The following COL11A2 variants were observed in gnomAD, a reference collection of about 807,000 sequenced individuals.
COL11A2 encodes the protein collagen alpha-2(XI) chain.
Under a neutral mutation model 273.4 loss-of-function variants are expected in COL11A2, and 116 were observed. The ratio of observed to expected loss-of-function variants is 0.42; its 90% CI spans 0.36 to 0.49. The LOEUF (loss-of-function observed/expected upper bound fraction) is 0.49. Ranked by LOEUF, COL11A2 falls within the 20% of genes least tolerant of loss-of-function variation. The pLI, the probability that COL11A2 is intolerant of heterozygous loss-of-function variation, is 0.00. For missense variants in COL11A2, 1,866 were observed against 2,309.0 expected, an observed-to-expected ratio of 0.81 and a Z score of 3.93; for synonymous variants, 782 against 864.2, an observed-to-expected ratio of 0.90 and a Z score of 1.67.
chr6:33,177,997 G>C lies in COL11A2; in HGVS notation c.1872+135C>G. ...CGAATGCTGAGGCAGGGCAGTGTGGGGCCAGAGCAGGGGGAGCTCACAGGG... is the reference window on the plus strand; with the variant it reads ...CGAATGCTGAGGCAGGGCAGTGTGGCGCCAGAGCAGGGGGAGCTCACAGGG... On this transcript the variant is annotated intron_variant, in intron 21 of 65. Coordinates refer to ENST00000341947, the MANE Select transcript of COL11A2 (RefSeq NM_080680.3). This position sits in a 1 kb window ranked among gnomAD's most constrained non-coding sequence, Gnocchi z 5.9. 2.0e-6 allele frequency: 2 copies of C among 998,150 alleles called. No homozygotes were observed. Among genetic ancestry groups the C allele is most frequent in the Non-Finnish European group, 3.0e-6 (2 of 661,146 alleles). 61.8% of individuals were successfully genotyped at this position (998,150 alleles called of 1,614,324 possible).
In COL11A2 at chr6:33,163,294, G is replaced by A. The variant is rs180728897; in HGVS notation, c.*384C>T. 6.5e-4 allele frequency: 154 copies of A among 238,034 alleles called. No homozygotes were observed. The highest frequency in any genetic ancestry group is 1.9e-4 in the Non-Finnish European group (23 of 121,130). The allele number at this position is 238,034 out of a possible 1,614,324, so 14.7% of individuals were successfully genotyped here. A position where few individuals can be genotyped will look rare whatever the true frequency, so the allele number is the denominator to read the frequency against. ...CTTCAACATCTGCTGATTTTTGTTG[G>A]CGTTTCTCTTTTTTGTTATTTTGCT... is the stretch of plus-strand genomic sequence containing the variant. On this transcript the variant is annotated 3_prime_UTR_variant, in exon 66 of 66. Transcript: ENST00000341947. The surrounding 1 kb of genome is among the most constrained non-coding windows in gnomAD (Gnocchi z 4.1).
rs1772805249 is a variant in COL11A2, at chr6:33,189,280, A to G, written c.232+40T>C. 1 of 1,613,916 alleles carries G rather than the reference A, an allele frequency of 6.2e-7. No homozygotes were observed. The highest frequency in any genetic ancestry group is 1.3e-5 in the African/African-American group (1 of 74,984). ...GGTGTCTGATCCTAGGCCCCATCCC[A>G]TTACCTCCCCCCAGGCCTACCCCAC... On this transcript the variant is annotated intron_variant, in intron 2 of 65. Transcript: ENST00000341947. This position sits in a 1 kb window ranked among gnomAD's most constrained non-coding sequence, Gnocchi z 5.6.
chr6:33,169,485 T>G lies in COL11A2; in HGVS notation c.3696A>C (p.Pro1232=). 1 of 1,612,860 alleles carries G rather than the reference T, an allele frequency of 6.2e-7. No homozygotes were observed. Among genetic ancestry groups the G allele is most frequent in the Non-Finnish European group, 8.5e-7 (1 of 1,179,994 alleles). ...CTCCTTTCTCTCCACGTTCCCCGCG[T>G]GGACCCTGCAGAACAAGCGGAGGAC... The part of the protein sequence containing the change: ...GIQGEPGVKG[P]RGERGEKGES... The change falls in exon 51 of 66, where the codon CCA becomes CCC. Residue 1232 remains proline (P), a synonymous_variant. Transcript: ENST00000341947. This position sits in a 1 kb window ranked among gnomAD's most constrained non-coding sequence, Gnocchi z 5.5.
intron 8 of COL11A2, among the ~76,000 whole-genome samples, chr6:33,182,096 G>A (rs1288321408): frequency 6.6e-6 from 1 of 151,696 alleles, no homozygotes; most frequent in Non-Finnish European, 1.5e-5. Context: ...CCAACATGGT[G>A]CAACCCCGTC....
At chr6:33,172,488 C>G in intron 39 of COL11A2, 42 bp downstream of exon 39, 1 of 1,588,860 alleles carries the variant, frequency 6.3e-7, no homozygotes, top group Non-Finnish European at 8.6e-7. Flanking sequence ...GCACCCCAAT[C>G]CCCAGCTCCC....
chr6:33,178,913 C>T lies in COL11A2; in HGVS notation c.1665+7G>A. Reference sequence around the variant, plus strand: ...ACAGGCTTCAGGGAGGGGCCCAAGCCTGTTACCTTCACTCCAGGATCTCCA... The same window carrying T: ...ACAGGCTTCAGGGAGGGGCCCAAGCTTGTTACCTTCACTCCAGGATCTCCA... On this transcript the variant is annotated splice_region_variant and intron_variant, in intron 17 of 65. Coordinates refer to ENST00000341947, the MANE Select transcript of COL11A2 (RefSeq NM_080680.3). The surrounding 1 kb of genome is among the most constrained non-coding windows in gnomAD (Gnocchi z 4.6). 1 of 1,613,924 alleles carries T rather than the reference C, an allele frequency of 6.2e-7. No homozygotes were observed. The highest frequency in any genetic ancestry group is 2.2e-5 in the East Asian group (1 of 44,866).
chr6:33,176,591 G>T lies in COL11A2; in HGVS notation c.2116-105C>A, dbSNP rs1770940888. On this transcript the variant is annotated intron_variant, in intron 26 of 65. Coordinates refer to ENST00000341947, the MANE Select transcript of COL11A2 (RefSeq NM_080680.3). The surrounding 1 kb of genome is among the most constrained non-coding windows in gnomAD (Gnocchi z 4.9). ...GTAACAACATTGCTGTCTGGGTAGG[G>T]TTACGGGGCACAGGAATTGAGAATG... 15 of 1,414,430 alleles carry T rather than the reference G, an allele frequency of 1.1e-5. No homozygotes were observed. In the South Asian group the frequency reaches 1.8e-4, roughly 17 times the overall value. 87.6% of individuals were successfully genotyped at this position (1,414,430 alleles called of 1,614,324 possible).
Position 33,166,767 on chromosome 6 carries a change from G to C in COL11A2, c.4291C>G (p.Arg1431Gly), listed in dbSNP as rs369126897. 6.2e-7 allele frequency: 1 copy of C among 1,613,322 alleles called. No homozygotes were observed. Among genetic ancestry groups the C allele is most frequent in the Non-Finnish European group, 8.5e-7 (1 of 1,180,034 alleles). ...GAGCCCTGAGGCCCAGGAAGTCCCC[G>C]ATCTCCCTTCTCTCCCTGCTCACCC... ...PPGEQGEKGD[R>G]GLPGPQGSPG... Residue 1431 changes from arginine to glycine, a missense_variant, in exon 59 of 66, where the codon CGG (arginine) becomes GGG (glycine). By Grantham distance (125) the Arg-to-Gly change is moderately radical. Coordinates refer to ENST00000341947, the MANE Select transcript of COL11A2 (RefSeq NM_080680.3). This position sits in a 1 kb window ranked among gnomAD's most constrained non-coding sequence, Gnocchi z 4.8.
chr6:33,176,798 G>C lies in COL11A2; in HGVS notation c.2071-33C>G, dbSNP rs1301036605. 1.2e-6 allele frequency: 2 copies of C among 1,608,090 alleles called. No individual in the cohort carries two copies. Among genetic ancestry groups the C allele is most frequent in the Non-Finnish European group, 8.5e-7 (1 of 1,177,052 alleles). Reference sequence around the variant, plus strand: ...TAAGGGATAGAAAATGTGACCAGTGGCCCCTGTCACCCTCTCTGCACCCCT... The same window carrying C: ...TAAGGGATAGAAAATGTGACCAGTGCCCCCTGTCACCCTCTCTGCACCCCT... On this transcript the variant is annotated intron_variant, in intron 25 of 65. Transcript: ENST00000341947. This position sits in a 1 kb window ranked among gnomAD's most constrained non-coding sequence, Gnocchi z 4.9.
chr6:33,175,433 C>T (rs1303087596), intron 30 of COL11A2, 141 bp downstream of exon 30: 10 of 740,254 alleles, frequency 1.4e-5, no homozygotes. Flanking sequence ...CTGAGAGATG[C>T]CATTTACACA....
chr6:33,188,702 G>C (rs565809683), intron 3 of COL11A2, among the ~76,000 whole-genome samples, 178 bp from the exon 4 acceptor site: 1 of 152,328 alleles, frequency 6.6e-6, no homozygotes, highest in Admixed American at 6.5e-5. Context: ...TTTCTTATTT[G>C]TGCCAATTCT....
At position 33,168,752 on chromosome 6, in the gene COL11A2, T is replaced by C. The variant is rs142962835; in HGVS notation, c.3860A>G (p.Asp1287Gly). The stretch of plus-strand genomic sequence containing the variant: ...CTCGCCTCGGTCACCCTTAGCACCA[T>C]CCTGGCCCTGCAGAAGTGAAGCAAG... ...PPGEGGPRGQDGAKGDRGEDG... is the reference protein window; with the variant it reads ...PPGEGGPRGQGGAKGDRGEDG... The change falls in exon 53 of 66, where the codon GAT (aspartate) becomes GGT (glycine). Residue 1287 changes from aspartate to glycine, a missense_variant. Coordinates refer to ENST00000341947, the MANE Select transcript of COL11A2 (RefSeq NM_080680.3). 9.5e-4 allele frequency: 1,518 copies of C among 1,596,552 alleles called. 16 individuals are homozygous for C. In the African/African-American group the frequency reaches 0.016, roughly 17 times the overall value.
intron 31 of COL11A2, 29 bp from the exon 32 acceptor site, chr6:33,174,247 G>C (rs772561993): frequency 3.0e-5 from 47 of 1,553,922 alleles, no homozygotes; most frequent in Non-Finnish European, 3.8e-5. Flanking sequence ...GGGGGAAATT[G>C]AGAAGTTATG....
intron 7 of COL11A2, 28 bp from the exon 8 acceptor site, chr6:33,184,352 T>C (rs773049355): frequency 7.4e-7 from 1 of 1,346,220 alleles, no homozygotes. Context: ...GGGAGAGGGG[T>C]AGATGGGGAT....
chr6:33,163,862 A>AC lies in COL11A2; in HGVS notation c.5071-45dup, dbSNP rs768147249. 2 of 1,612,052 alleles carry AC rather than the reference A, an allele frequency of 1.2e-6. No homozygotes were observed. Among genetic ancestry groups the AC allele is most frequent in the South Asian group, 1.1e-5 (1 of 91,018 alleles). ...AAGAAAGTGTGAGCAGGATGGAGGCACCCCCCACCCTCTAACCTCAGGCCC... is the reference window on the plus strand; with the variant it reads ...AAGAAAGTGTGAGCAGGATGGAGGCACCCCCCCACCCTCTAACCTCAGGCCC... On this transcript the variant is annotated intron_variant, in intron 65 of 65. Coordinates refer to ENST00000341947, the MANE Select transcript of COL11A2 (RefSeq NM_080680.3). The surrounding 1 kb of genome is among the most constrained non-coding windows in gnomAD (Gnocchi z 4.1).
chr6:33,185,357 C>CGGGAAA (rs1772264037), intron 6 of COL11A2, among the ~76,000 whole-genome samples: 1 of 152,056 alleles, frequency 6.6e-6, no homozygotes, highest in African/African-American at 2.4e-5. Context: ...AGCTGGGCAT[C>CGGGAAA]GGGAAAGGGG....
rs377703838 is a variant in COL11A2 at position 33,190,662 on chromosome 6, C to T, written c.83-1193G>A. On this transcript the variant is annotated intron_variant, in intron 1 of 65. Transcript: ENST00000341947. This position sits in a 1 kb window ranked among gnomAD's most constrained non-coding sequence, Gnocchi z 4.5. ...GAAAAGGCCCTTTGAGTCCAGGAGC[C>T]GGGAAACCACGGCCTTCCCCCCCAA... Among the ~76,000 whole-genome samples, 10 of 152,208 alleles carry T rather than the reference C, an allele frequency of 6.6e-5. No homozygotes were observed. Among genetic ancestry groups the T allele is most frequent in the East Asian group, 3.9e-4 (2 of 5,178 alleles).
Position 33,176,167 on chromosome 6 carries a change from T to C in COL11A2, c.2214+92A>G. ...TAGGTGGAAGCAGGGGCTCGGGAGC[T>C]GGACGGCAGTGCGGGGCAGGCTGGA... On this transcript the variant is annotated intron_variant, in intron 28 of 65. Transcript: ENST00000341947. The surrounding 1 kb of genome is among the most constrained non-coding windows in gnomAD (Gnocchi z 4.9). 1.2e-6 allele frequency: 2 copies of C among 1,604,682 alleles called. No homozygotes were observed. The highest frequency in any genetic ancestry group is 1.7e-6 in the Non-Finnish European group (2 of 1,172,582).
chr6:33,183,227 G>A (rs932441617), intron 8 of COL11A2, among the ~76,000 whole-genome samples: 2 of 152,198 alleles, frequency 1.3e-5, no homozygotes, highest in African/African-American at 2.4e-5. Flanking sequence ...AATGATGCCA[G>A]GGCCGAAGAA....
Sources: gnomAD v4.1 joint callset for allele counts (sites outside exome capture counted in the v4.1 genomes callset) on GRCh38, gnomAD v4.1.1 for gene constraint, Gnocchi (gnomAD v3.1) non-coding constraint, MANE v1.5 for transcripts, NCBI Gene and HGNC (gene_info 2026-07-23, HGNC 2026-07-21) for gene names.